The following MTRR variants were observed in gnomAD, a reference collection of about 807,000 sequenced individuals.
The protein encoded by MTRR is 5-methyltetrahydrofolate-homocysteine methyltransferase reductase, also known as methionine synthase reductase.
Under a neutral mutation model 79.2 loss-of-function variants are expected in MTRR, and 63 were observed. That is an observed-to-expected ratio of 0.80 (90% CI 0.65 to 0.98). The LOEUF (loss-of-function observed/expected upper bound fraction) is 0.98. MTRR is among the 50% of genes least tolerant of loss of function. MTRR has a pLI of 0.00. For synonymous variants in MTRR, 355 were observed against 313.3 expected (o/e 1.13, Z -1.41); for missense variants, 895 against 839.6 (o/e 1.07, Z -0.82).
chr5:7,866,920 G>A (rs748218014), upstream of MTRR: 28 of 1,614,074 alleles, frequency 1.7e-5, no homozygotes, highest in Non-Finnish European at 5.9e-6. Context: ...CTGCATTGAG[G>A]ATGGGTTTTG....
At chr5:7,884,369 G>A (rs1736072319) in intron 6 of MTRR, among the ~76,000 whole-genome samples, 1 of 152,140 alleles carries the variant, frequency 6.6e-6, no homozygotes, top group African/African-American at 2.4e-5. Context: ...AGTCCCTTAT[G>A]TAAAATGTTA....
At chr5:7,861,615 C>A in intron 1 of MTRR, 1 of 1,605,454 alleles carries the variant, frequency 6.2e-7, no homozygotes, top group Non-Finnish European at 8.5e-7. Context: ...CTGTGGATGG[C>A]AATACAAATC....
chr5:7,873,014 C>T (rs1748252361), intron 2 of MTRR, among the ~76,000 whole-genome samples: 1 of 152,054 alleles, frequency 6.6e-6, no homozygotes, highest in Admixed American at 6.5e-5. Flanking sequence ...TTGACTATAT[C>T]CTATTTCCTC....
intron 1 of MTRR, among the ~76,000 whole-genome samples, chr5:7,854,227 C>T (rs1746159489): frequency 6.6e-6 from 1 of 152,034 alleles, no homozygotes; most frequent in South Asian, 2.1e-4. Flanking sequence ...TAAAAACCCT[C>T]CTCTCAAAGG....
At chr5:7,859,539 T>G in intron 1 of MTRR, 3 of 1,569,382 alleles carry the variant, frequency 1.9e-6, no homozygotes, top group Non-Finnish European at 2.6e-6. Flanking sequence ...TGATAGGGGA[T>G]CTGTAAAGGT....
chr5:7,881,283 C>T (rs1735549222), intron 5 of MTRR, among the ~76,000 whole-genome samples: 1 of 151,950 alleles, frequency 6.6e-6, no homozygotes, highest in South Asian at 2.1e-4. Flanking sequence ...GGGGTTAGTC[C>T]CTTACCTTCC....
rs771852321 is a variant in MTRR, at chr5:7,897,133, C to G, written c.1838C>G (p.Ala613Gly). The G allele has an allele frequency of 2.5e-6, 4 of 1,614,152 alleles. No individual in the cohort carries two copies. In the African/African-American group the frequency reaches 4.0e-5, roughly 16 times the overall value. Reference sequence around the variant, plus strand: ...CTAAAGGTTTCCTTCTCAAGAGATGCTCCTGTTGGGGAGGAGGAAGCCCCA... The same window carrying G: ...CTAAAGGTTTCCTTCTCAAGAGATGGTCCTGTTGGGGAGGAGGAAGCCCCA... ...THLKVSFSRD[A>G]PVGEEEAPAK... Residue 613 changes from alanine (A) to glycine (G), a missense_variant, in exon 14 of 15, where the codon GCT becomes GGT. Ala to Gly is a moderately conservative substitution (Grantham distance 60, BLOSUM62 0). Coordinates refer to ENST00000440940, the MANE Select transcript of MTRR (RefSeq NM_002454.3).
intron 1 of MTRR, chr5:7,861,592 A>G (rs769710770): frequency 6.3e-7 from 1 of 1,591,244 alleles, no homozygotes; most frequent in Non-Finnish European, 8.6e-7. Context: ...CCTTTTATGG[A>G]TATCTTCATT....
intron 11 of MTRR, chr5:7,893,244 G>C (rs927082239): frequency 6.4e-6 from 2 of 310,494 alleles, no homozygotes; most frequent in South Asian, 3.5e-5. Context: ...GTATTTAAGG[G>C]GGGTGATGAG....
In MTRR at chr5:7,896,868, A is replaced by C; in HGVS notation, c.1681A>C (p.Lys561Gln). Residue 561 changes from lysine (K) to glutamine (Q), a missense_variant, in exon 13 of 15, where the codon AAA (lysine) becomes CAA (glutamine). Transcript: ENST00000440940. ...ACTTTTTTTTTTTCCACTTAGAGAG[A>C]AACTCCAAGAACAACACCCAGATGG... ...PFIGFLQHRE[K>Q]LQEQHPDGNF... 1 of 1,613,996 alleles carries C rather than the reference A, an allele frequency of 6.2e-7. No homozygotes were observed. The highest frequency in any genetic ancestry group is 8.5e-7 in the Non-Finnish European group (1 of 1,179,910).
At chr5:7,880,137 AGGGCATG>A (rs75641707) in intron 5 of MTRR, among the ~76,000 whole-genome samples, 21,042 of 152,180 alleles carry the variant, frequency 0.14, 1,848 homozygotes, top group Non-Finnish European at 0.2. Flanking sequence ...TTAATTGCAT[AGGGCATG>A]GGTCTTACCA....
intron 9 of MTRR, chr5:7,890,232 A>G (rs1285151297): frequency 1.2e-5 from 12 of 983,926 alleles, no homozygotes; most frequent in Non-Finnish European, 1.3e-5. Context: ...TTTGCAAGTC[A>G]GGGCCTGATT....
intron 1 of MTRR, chr5:7,869,939 G>GT (rs1193907677): frequency 1.5e-6 from 1 of 658,754 alleles, no homozygotes; most frequent in East Asian, 1.4e-4. Context: ...GCCAGGTGCC[G>GT]TTCTGGGCGG....
intron 1 of MTRR, among the ~76,000 whole-genome samples, chr5:7,854,915 C>T (rs1746194775): frequency 6.6e-6 from 1 of 152,180 alleles, no homozygotes; most frequent in Non-Finnish European, 1.5e-5. Context: ...CCTTCTTCTG[C>T]CTGCTTTTAT....
Position 7,899,996 on chromosome 5 carries a change from G to A in MTRR, c.2035G>A (p.Ala679Thr), listed in dbSNP as rs769163205. ...AGAGGTTGGAGTTGAAAAACTAGAA[G>A]CAATGAAAACCCTGGCCACTTTAAA... is the stretch of plus-strand genomic sequence containing the variant. The part of the protein sequence containing the change: ...SKEVGVEKLE[A>T]MKTLATLKEE... The change falls in exon 15 of 15, where the codon GCA (alanine) becomes ACA (threonine). Residue 679 changes from alanine (A) to threonine (T), a missense_variant. Physicochemically the swap from Ala to Thr is moderately conservative, Grantham distance 58 (BLOSUM62 0). Coordinates refer to ENST00000440940, the MANE Select transcript of MTRR (RefSeq NM_002454.3). 5.6e-6 allele frequency: 9 copies of A among 1,614,066 alleles called. No homozygotes were observed. Among genetic ancestry groups the A allele is most frequent in the Non-Finnish European group, 7.6e-6 (9 of 1,180,008 alleles).
upstream of MTRR, chr5:7,868,889 G>C (rs1273064710): frequency 1.4e-5 from 8 of 576,666 alleles, no homozygotes; most frequent in South Asian, 1.5e-4. Flanking sequence ...GCTGAGACAC[G>C]GGCCGGGCGG....
Position 7,870,802 on chromosome 5 carries a change from G to A in MTRR, c.8G>A (p.Arg3Lys), listed in dbSNP as rs2126643754. The A allele has an allele frequency of 6.2e-7, 1 of 1,614,130 alleles. No homozygotes were observed. Among genetic ancestry groups the A allele is most frequent in the Non-Finnish European group, 8.5e-7 (1 of 1,180,016 alleles). ...GTTACATGCCTTGAAGTGATGAGGAGGTTTCTGTTACTATATGCTACACAG... is the reference window on the plus strand; with the variant it reads ...GTTACATGCCTTGAAGTGATGAGGAAGTTTCTGTTACTATATGCTACACAG... MRRFLLLYATQQG... is the reference protein window; with the variant it reads MRKFLLLYATQQG... Residue 3 changes from arginine to lysine, a missense_variant, in exon 2 of 15, where the codon AGG becomes AAG. Physicochemically the swap from Arg to Lys is conservative, Grantham distance 26. Coordinates refer to ENST00000440940, the MANE Select transcript of MTRR (RefSeq NM_002454.3).
chr5:7,868,977 A>G, upstream of MTRR: 1 of 841,010 alleles, frequency 1.2e-6, no homozygotes. Context: ...GTTGACACCT[A>G]CCGCGCTCTG....
chr5:7,875,420 T>A, intron 4 of MTRR, 45 bp downstream of exon 4: 3 of 1,402,718 alleles, frequency 2.1e-6, no homozygotes, highest in Middle Eastern at 1.8e-4. Context: ...CCTCTATACA[T>A]GATGGAAGTT....
Sources: allele counts gnomAD v4.1 joint callset (sites outside exome capture counted in the v4.1 genomes callset), GRCh38; gene constraint gnomAD v4.1.1; transcripts MANE v1.5; gene names NCBI Gene and HGNC (gene_info 2026-07-23, HGNC 2026-07-21).